EZH2: variants seen among roughly 807,000 people sequenced by gnomAD.
EZH2 encodes histone-lysine N-methyltransferase EZH2.
A neutral mutation model predicts 98.4 loss-of-function variants in EZH2; 18 were observed. The observed-to-expected ratio is 0.18, with a 90% CI of 0.13 to 0.27. The LOEUF (loss-of-function observed/expected upper bound fraction) is 0.27, where lower values mean the gene tolerates loss of function less well. Ranked by LOEUF, EZH2 falls within the 10% of genes least tolerant of loss-of-function variation. The probability of loss-of-function intolerance (pLI) is 1.00; values close to 1 mark genes in which losing one functional copy is unlikely to be tolerated. For synonymous variants in EZH2, 338 were observed against 312.3 expected (o/e 1.08, Z -0.87); for missense variants, 470 against 935.1 (o/e 0.50, Z 6.49).
At chr7:148,877,650 G>A (rs1438979259) in intron 1 of EZH2, among the ~76,000 whole-genome samples, 1 of 152,106 alleles carries the variant, frequency 6.6e-6, no homozygotes, top group Non-Finnish European at 1.5e-5. Flanking sequence ...CCAAGAAACT[G>A]TCTCCAAAGA....
At chr7:148,864,862 C>A (rs1173652728) in intron 1 of EZH2, among the ~76,000 whole-genome samples, 2 of 152,058 alleles carry the variant, frequency 1.3e-5, no homozygotes, top group Non-Finnish European at 2.9e-5. Flanking sequence ...CCAAGTGGCT[C>A]ACGCCTGTAA....
chr7:148,842,835 GCA>G (rs1472412086), intron 3 of EZH2, among the ~76,000 whole-genome samples: 1 of 152,142 alleles, frequency 6.6e-6, no homozygotes, highest in African/African-American at 2.4e-5. Context: ...GGAGGCCAAG[GCA>G]GATGGATTGC....
chr7:148,874,658 A>C (rs1182990615), intron 1 of EZH2, among the ~76,000 whole-genome samples: 1 of 152,170 alleles, frequency 6.6e-6, no homozygotes, highest in African/African-American at 2.4e-5. Flanking sequence ...TTGAAGAAAA[A>C]CTAAAAATTT....
intron 3 of EZH2, 49 bp from the exon 4 acceptor site, chr7:148,832,799 T>G (rs1270704794): frequency 4.2e-6 from 5 of 1,195,528 alleles, no homozygotes; most frequent in Non-Finnish European, 4.9e-6. Context: ...AGGACAACCT[T>G]AAGCTGTAGC....
intron 1 of EZH2, among the ~76,000 whole-genome samples, chr7:148,882,954 G>A (rs1821221246): frequency 6.6e-6 from 1 of 152,160 alleles, no homozygotes; most frequent in Admixed American, 6.5e-5. Flanking sequence ...CAGAAAACGA[G>A]ACCAATTAAT....
intron 1 of EZH2, among the ~76,000 whole-genome samples, chr7:148,864,196 C>T (rs1382935728): frequency 1.3e-5 from 2 of 152,166 alleles, no homozygotes; most frequent in Admixed American, 1.3e-4. Context: ...CTCCTTCCAG[C>T]AAGACAGTAA....
At chr7:148,821,551 G>A (rs1806089448) in intron 8 of EZH2, among the ~76,000 whole-genome samples, 1 of 152,208 alleles carries the variant, frequency 6.6e-6, no homozygotes, top group African/African-American at 2.4e-5. Flanking sequence ...TAGGCTGGGT[G>A]CAGTGGCTCA....
At chr7:148,852,510 G>A (rs1725214928) in intron 1 of EZH2, among the ~76,000 whole-genome samples, 2 of 152,182 alleles carry the variant, frequency 1.3e-5, no homozygotes. Flanking sequence ...CCAGTACAGG[G>A]TTAGATACAC....
intron 7 of EZH2, 56 bp from the exon 8 acceptor site, chr7:148,826,688 A>G: frequency 7.3e-7 from 1 of 1,373,482 alleles, no homozygotes. Flanking sequence ...ACTTTTTTGA[A>G]AACAGTTTCT....
chr7:148,815,887 TA>T (rs1804416216), intron 12 of EZH2, among the ~76,000 whole-genome samples: 1 of 152,352 alleles, frequency 6.6e-6, no homozygotes, highest in African/African-American at 2.4e-5. Flanking sequence ...TCAGGCATCA[TA>T]AACCAAGCAA....
intron 8 of EZH2, among the ~76,000 whole-genome samples, chr7:148,820,354 T>C (rs572340157): frequency 1.7e-4 from 26 of 152,232 alleles, no homozygotes; most frequent in East Asian, 5.8e-4. Context: ...AGTGTGAACA[T>C]TGACAGCAGT....
At chr7:148,861,325 C>G (rs183152023) in intron 1 of EZH2, among the ~76,000 whole-genome samples, 3 of 151,362 alleles carry the variant, frequency 2.0e-5, no homozygotes, top group Admixed American at 2.0e-4. Flanking sequence ...CTCCAGGGTT[C>G]AAGCGATTCT....
At chr7:148,883,252 A>G (rs1821266558) in intron 1 of EZH2, 3 of 152,264 alleles carry the variant, frequency 2.0e-5, no homozygotes, top group South Asian at 2.1e-4. Context: ...CCCGCTTTCA[A>G]AAAGTAACCC....
chr7:148,872,003 A>T (rs1819484359), intron 1 of EZH2, among the ~76,000 whole-genome samples: 3 of 152,218 alleles, frequency 2.0e-5, no homozygotes. Context: ...TCTCAAAGAG[A>T]TATTTGTATA....
chr7:148,871,572 A>ATTTTTTTTTTTTTTT (rs1819406818), intron 1 of EZH2, among the ~76,000 whole-genome samples: 1 of 140,790 alleles, frequency 7.1e-6, no homozygotes, highest in Admixed American at 7.2e-5. Flanking sequence ...CAAATAGTGT[A>ATTTTTTTTTTTTTTT]TTTTCTTTTT....
intron 3 of EZH2, among the ~76,000 whole-genome samples, chr7:148,845,168 AT>A (rs1813674467): frequency 6.6e-6 from 1 of 152,200 alleles, no homozygotes; most frequent in South Asian, 2.1e-4. Flanking sequence ...AATTTCTAAG[AT>A]TTATTCCTCC....
chr7:148,855,328 AGAGT>A (rs780838559), intron 1 of EZH2, among the ~76,000 whole-genome samples: 4 of 152,354 alleles, frequency 2.6e-5, no homozygotes, highest in Non-Finnish European at 5.9e-5. Context: ...TAATAAGAGA[AGAGT>A]TAGTTGTATT....
intron 1 of EZH2, among the ~76,000 whole-genome samples, chr7:148,882,234 C>A (rs887409421): frequency 6.6e-6 from 1 of 152,134 alleles, no homozygotes; most frequent in Admixed American, 6.5e-5. Context: ...TATTTGTCTC[C>A]ATTTTTATGA....
At chr7:148,810,469 CAG>C (rs769903239) in intron 16 of EZH2, 55 bp from the exon 17 acceptor site, 197 of 1,248,352 alleles carry the variant, frequency 1.6e-4, no homozygotes, top group Non-Finnish European at 2.2e-4. Flanking sequence ...TCAAGCCTGA[CAG>C]AACACACAAA....
Sources: gnomAD v4.1 joint callset for allele counts (sites outside exome capture counted in the v4.1 genomes callset) on GRCh38, gnomAD v4.1.1 for gene constraint, MANE v1.5 for transcripts, NCBI Gene and HGNC (gene_info 2026-07-23, HGNC 2026-07-21) for gene names.